Variants in CUL9 observed in about 807,000 individuals in gnomAD.
CUL9 encodes cullin-9.
CUL9 carries 79 observed loss-of-function variants against 272.6 expected under a neutral mutation model. The observed-to-expected ratio is 0.29, with a 90% CI of 0.24 to 0.35. The LOEUF (loss-of-function observed/expected upper bound fraction) is 0.35. CUL9 is among the 10% of genes least tolerant of loss of function. The pLI, the probability that CUL9 is intolerant of heterozygous loss-of-function variation, is 1.00. For missense variants in CUL9, 2,532 were observed against 3,255.6 expected, an observed-to-expected ratio of 0.78 and a Z score of 5.41; for synonymous variants, 1,186 against 1,286.5, an observed-to-expected ratio of 0.92 and a Z score of 1.67.
rs576495703 is a variant in CUL9, at chr6:43,205,557, G to A, written c.4793+134G>A. The A allele has an allele frequency of 2.8e-4, 298 of 1,059,502 alleles. 2 individuals are homozygous for A. The highest frequency in any genetic ancestry group is 1.9e-3 in the Middle Eastern group (7 of 3,618). 65.6% of individuals were successfully genotyped at this position (1,059,502 alleles called of 1,614,324 possible). ...AAGATGTGGAGATGGCTGGCCAGGC[G>A]CGGTGGCTCACGCATGTAATCCCAG... On this transcript the variant is annotated intron_variant, in intron 24 of 40. Transcript: ENST00000252050.
chr6:43,203,981 T>C lies in CUL9; in HGVS notation c.4153T>C (p.Ser1385Pro). 5 of 1,597,838 alleles carry C rather than the reference T, an allele frequency of 3.1e-6. No homozygotes were observed. Among genetic ancestry groups the C allele is most frequent in the Non-Finnish European group, 4.3e-6 (5 of 1,169,054 alleles). The change falls in exon 20 of 41, where the codon TCT (serine) becomes CCT (proline). Residue 1385 changes from serine to proline, a missense_variant. Coordinates refer to ENST00000252050, the MANE Select transcript of CUL9 (RefSeq NM_015089.4). This position sits in a 1 kb window ranked among gnomAD's most constrained non-coding sequence, Gnocchi z 5.0. Reference protein sequence around the residue: ...LVSPLVQNITSPDAEGVSALG... With the variant: ...LVSPLVQNITPPDAEGVSALG... ...CAGCCCCCTGGTGCAGAACATCACC[T>C]CTCCCGGTAACCATGCTGACACCTG...
chr6:43,212,975 G>A (rs1292739449), intron 26 of CUL9, 174 bp from the exon 27 acceptor site: 2 of 686,682 alleles, frequency 2.9e-6, no homozygotes, highest in Non-Finnish European at 4.8e-6. Context: ...TCATCAGGGA[G>A]GCAGGCGCAG....
In CUL9 at chr6:43,199,696, TG is replaced by T. The variant is rs61545937; in HGVS notation, c.3157-230del. On this transcript the variant is annotated intron_variant, in intron 13 of 40. Coordinates refer to ENST00000252050, the MANE Select transcript of CUL9 (RefSeq NM_015089.4). This position sits in a 1 kb window ranked among gnomAD's most constrained non-coding sequence, Gnocchi z 4.4. ...GCACCAGGGTTAACATAGCTTGGCC[TG>T]GGCAGGAAGCAGCCTGGAAAGCTGT... Among the ~76,000 whole-genome samples the T allele has an allele frequency of 0.23, 35,559 of 152,128 alleles. 5,485 individuals are homozygous for T. Among genetic ancestry groups the T allele is most frequent in the African/African-American group, 0.44 (18,436 of 41,440 alleles).
rs374380386 is a variant in CUL9, at chr6:43,203,529, G to A, written c.3962G>A (p.Arg1321Gln). 10 of 1,613,970 alleles carry A rather than the reference G, an allele frequency of 6.2e-6. No homozygotes were observed. The highest frequency in any genetic ancestry group is 2.7e-5 in the African/African-American group (2 of 74,880). The change falls in exon 19 of 41, where the codon CGG becomes CAG. Residue 1321 changes from arginine (R) to glutamine (Q), a missense_variant. Physicochemically the swap from Arg to Gln is conservative, Grantham distance 43. Coordinates refer to ENST00000252050, the MANE Select transcript of CUL9 (RefSeq NM_015089.4). This position sits in a 1 kb window ranked among gnomAD's most constrained non-coding sequence, Gnocchi z 5.0. ...CGAACATGTCTCTTCTACACAATTCGGGCACAAGCCTGGAGCCGGGACATA... is the reference window on the plus strand; with the variant it reads ...CGAACATGTCTCTTCTACACAATTCAGGCACAAGCCTGGAGCCGGGACATA... ...CRRTCLFYTIRAQAWSRDIAE... is the reference protein window; with the variant it reads ...CRRTCLFYTIQAQAWSRDIAE...
In CUL9 at chr6:43,213,996, A is replaced by G. The variant is rs971291061; in HGVS notation, c.5688+84A>G. 11 of 1,359,714 alleles carry G rather than the reference A, an allele frequency of 8.1e-6. No individual in the cohort carries two copies. Among genetic ancestry groups the G allele is most frequent in the South Asian group, 2.4e-5 (2 of 83,450 alleles). The allele number at this position is 1,359,714 out of a possible 1,614,324, so 84.2% of individuals were successfully genotyped here. On this transcript the variant is annotated intron_variant, in intron 29 of 40. Transcript: ENST00000252050. This position sits in a 1 kb window ranked among gnomAD's most constrained non-coding sequence, Gnocchi z 5.7. ...GATGAACACAGTGAACTCTTTCAATATAAGACTTCTGTAGGGTGACATTTC... is the reference window on the plus strand; with the variant it reads ...GATGAACACAGTGAACTCTTTCAATGTAAGACTTCTGTAGGGTGACATTTC...
At position 43,184,360 on chromosome 6, in the gene CUL9, G is replaced by A. The variant is rs775004799; in HGVS notation, c.50G>A (p.Arg17Gln). Residue 17 changes from arginine to glutamine, a missense_variant, in exon 2 of 41, where the codon CGG becomes CAG. Around this residue, in one of 3 missense-constraint regions of CUL9, gnomAD observed 2,218 missense variants for 2,788.6 expected, o/e 0.80. Transcript: ENST00000252050. The surrounding 1 kb of genome is among the most constrained non-coding windows in gnomAD (Gnocchi z 4.8). ...AGDLMVPLGP[R>Q]LQAYPEELIR... ...GACCTCATGGTGCCCTTAGGGCCTC[G>A]GCTGCAGGCATATCCTGAAGAACTC... is the stretch of plus-strand genomic sequence containing the variant. 59 of 1,591,034 alleles carry A rather than the reference G, an allele frequency of 3.7e-5. No homozygotes were observed. Among genetic ancestry groups the A allele is most frequent in the South Asian group, 5.7e-5 (5 of 88,260 alleles).
At chr6:43,193,823 G>GT (rs1289340182) in intron 9 of CUL9, among the ~76,000 whole-genome samples, 1 of 152,180 alleles carries the variant, frequency 6.6e-6, no homozygotes, top group Non-Finnish European at 1.5e-5. Flanking sequence ...AAGGTCAGGA[G>GT]TTGAGTTTTC....
At chr6:43,187,673 G>T in intron 6 of CUL9, 40 bp from the exon 7 acceptor site, 1 of 1,593,152 alleles carries the variant, frequency 6.3e-7, no homozygotes, top group Non-Finnish European at 8.6e-7. Flanking sequence ...AGACCTTTGT[G>T]TCTGCTTGTC....
intron 31 of CUL9, among the ~76,000 whole-genome samples, chr6:43,219,912 G>A (rs1049994688): frequency 6.6e-6 from 1 of 152,164 alleles, no homozygotes; most frequent in Non-Finnish European, 1.5e-5. Context: ...CACTGGTGAC[G>A]AGGGGGACAG....
chr6:43,219,287 T>A (rs544820573), intron 31 of CUL9, among the ~76,000 whole-genome samples: 1 of 152,218 alleles, frequency 6.6e-6, no homozygotes, highest in East Asian at 1.9e-4. Flanking sequence ...GCAGCATTGG[T>A]CACAGCTGAG....
chr6:43,194,023 C>T (rs16896327), intron 9 of CUL9, among the ~76,000 whole-genome samples: 6,627 of 152,176 alleles, frequency 0.044, 342 homozygotes, highest in African/African-American at 0.13. Context: ...CCCAGAGAAT[C>T]GGGAAGGAAG....
chr6:43,182,840 TGCACTGCTTCATATCAC>T (rs1236024261), intron 1 of CUL9, among the ~76,000 whole-genome samples: 3 of 152,232 alleles, frequency 2.0e-5, no homozygotes, highest in Non-Finnish European at 2.9e-5. Flanking sequence ...CTGTTGCCCC[TGCACTGCTTCATATCAC>T]GCATATCTTT....
At position 43,187,913 on chromosome 6, in the gene CUL9, A is replaced by G. The variant is rs760754012; in HGVS notation, c.1782A>G (p.Pro594=). 2.5e-5 allele frequency: 41 copies of G among 1,614,010 alleles called. No individual in the cohort carries two copies. Among genetic ancestry groups the G allele is most frequent in the South Asian group, 1.9e-4 (17 of 91,076 alleles). Residue 594 remains proline, a synonymous_variant, in exon 7 of 41, where the codon CCA becomes CCG. Transcript: ENST00000252050. ...TSRNHSCTPD[P]EEESKSEASF... ...GAAATCACTCCTGTACCCCAGATCC[A>G]GAAGAGGAGTCCAAGTCGGAGGCCA...
At chr6:43,211,377 G>C (rs560757740) in intron 26 of CUL9, among the ~76,000 whole-genome samples, 1 of 152,234 alleles carries the variant, frequency 6.6e-6, no homozygotes. Context: ...GGCCAAGATG[G>C]CGAAACCCTG....
Position 43,202,700 on chromosome 6 carries a change from C to G in CUL9, c.3648-16C>G, listed in dbSNP as rs1367157031. 6.2e-7 allele frequency: 1 copy of G among 1,612,354 alleles called. No homozygotes were observed. Among genetic ancestry groups the G allele is most frequent in the Admixed American group, 1.7e-5 (1 of 60,004 alleles). On this transcript the variant is annotated splice_polypyrimidine_tract_variant and intron_variant, in intron 16 of 40. Transcript: ENST00000252050. ...CCAGAGGCCCAGCTTTGACTGTTTC[C>G]TTTCTTCTTTCCCAGGCAGCTCACT...
chr6:43,197,889 G>A (rs1203341998), intron 11 of CUL9, among the ~76,000 whole-genome samples: 3 of 152,190 alleles, frequency 2.0e-5, no homozygotes, highest in Non-Finnish European at 4.4e-5. Context: ...TACTGGGGAA[G>A]AAACCCTTTG....
chr6:43,203,770 T>A lies in CUL9; in HGVS notation c.4026-84T>A. The A allele has an allele frequency of 6.5e-7, 1 of 1,537,484 alleles. No homozygotes were observed. Among genetic ancestry groups the A allele is most frequent in the Non-Finnish European group, 8.8e-7 (1 of 1,138,660 alleles). Reference sequence around the variant, plus strand: ...AGTTGGGTCAGGGACCGAACAGGGGTGATTGGGAGCTGATCTGCACTTGAA... The same window carrying A: ...AGTTGGGTCAGGGACCGAACAGGGGAGATTGGGAGCTGATCTGCACTTGAA... On this transcript the variant is annotated intron_variant, in intron 19 of 40. Transcript: ENST00000252050. This position sits in a 1 kb window ranked among gnomAD's most constrained non-coding sequence, Gnocchi z 5.0.
intron 30 of CUL9, among the ~76,000 whole-genome samples, chr6:43,215,559 A>G (rs1297021733): frequency 1.3e-5 from 2 of 152,210 alleles, no homozygotes; most frequent in Non-Finnish European, 2.9e-5. Context: ...ACTCAGTTAA[A>G]TATACAAACT....
intron 31 of CUL9, among the ~76,000 whole-genome samples, chr6:43,216,715 G>A (rs541494827): frequency 2.3e-4 from 35 of 152,290 alleles, no homozygotes; most frequent in Non-Finnish European, 4.6e-4. Flanking sequence ...GGGATCCAGC[G>A]ATATATACCA....
Sources: allele counts gnomAD v4.1 joint callset (sites outside exome capture counted in the v4.1 genomes callset), GRCh38; gene constraint gnomAD v4.1.1; regional missense constraint gnomAD v4.1.1; non-coding constraint Gnocchi (gnomAD v3.1); transcripts MANE v1.5; gene names NCBI Gene and HGNC (gene_info 2026-07-23, HGNC 2026-07-21).